GARIN2: variants seen among roughly 807,000 people sequenced by gnomAD.
GARIN2 encodes the protein Golgi-associated RAB2 interactor protein 2.
chr14:67,204,957 A>G, the GARIN2 span: 2 of 1,604,312 alleles, frequency 1.2e-6, no homozygotes, highest in Non-Finnish European at 1.7e-6. Context: ...TCCCGGATGT[A>G]AGAATTGTCA....
At chr14:67,225,621 T>C in the GARIN2 span, among the ~76,000 whole-genome samples, 1,838 of 152,342 alleles carry the variant, frequency 0.012, 19 homozygotes, top group Non-Finnish European at 0.018. Context: ...ACCTCTTTTT[T>C]TTCATAGCAA....
At chr14:67,204,063 T>C in the GARIN2 span, among the ~76,000 whole-genome samples, 3 of 152,154 alleles carry the variant, frequency 2.0e-5, no homozygotes, top group Admixed American at 1.3e-4. Context: ...TAAGATGAGA[T>C]GGTTCTCAGG....
At chr14:67,224,259 C>CTTT in the GARIN2 span, among the ~76,000 whole-genome samples, 1 of 134,800 alleles carries the variant, frequency 7.4e-6, no homozygotes, top group Non-Finnish European at 1.6e-5. Context: ...TCTCTCTTTT[C>CTTT]TTTTTTTTTT....
At chr14:67,196,586 A>G in the GARIN2 span, among the ~76,000 whole-genome samples, 1 of 152,218 alleles carries the variant, frequency 6.6e-6, no homozygotes, top group Non-Finnish European at 1.5e-5. Flanking sequence ...TAAGGAGCAC[A>G]CTTTAAACAG....
At chr14:67,225,348 C>A in the GARIN2 span, 13 of 850,926 alleles carry the variant, frequency 1.5e-5, no homozygotes, top group Admixed American at 3.6e-5. Context: ...TAAGTGGGAT[C>A]TTTTAACATT....
chr14:67,198,878 G>A, the GARIN2 span: 2 of 671,212 alleles, frequency 3.0e-6, no homozygotes, highest in Non-Finnish European at 5.5e-6. Context: ...TGAGTTCAAT[G>A]ATAGGGGTCA....
chr14:67,198,406 T>C, the GARIN2 span: 5 of 1,305,822 alleles, frequency 3.8e-6, no homozygotes, highest in South Asian at 6.9e-5. Flanking sequence ...AGGAGAATTG[T>C]TTTAAATGTG....
At chr14:67,213,218 G>A in the GARIN2 span, among the ~76,000 whole-genome samples, 2 of 149,716 alleles carry the variant, frequency 1.3e-5, no homozygotes, top group Non-Finnish European at 3.0e-5. Context: ...CAATGTGCAG[G>A]TTAGTTACAT....
At chr14:67,190,102 G>T in the GARIN2 span, among the ~76,000 whole-genome samples, 1 of 141,456 alleles carries the variant, frequency 7.1e-6, no homozygotes, top group Non-Finnish European at 1.5e-5. Context: ...TTTTTGTAGA[G>T]ACAGGGTTTC....
the GARIN2 span, among the ~76,000 whole-genome samples, chr14:67,227,200 G>C: frequency 2.0e-5 from 3 of 151,944 alleles, no homozygotes; most frequent in South Asian, 6.2e-4. Context: ...CCAGCACTTT[G>C]GGAGGCTGAG....
chr14:67,199,600 G>A, the GARIN2 span: 1 of 1,590,470 alleles, frequency 6.3e-7, no homozygotes, highest in Non-Finnish European at 8.6e-7. Context: ...CCTTCGAGAA[G>A]GACTCCAAGG....
At chr14:67,227,481 A>T in the GARIN2 span, 1 of 151,878 alleles carries the variant, frequency 6.6e-6, no homozygotes, top group East Asian at 1.9e-4. Flanking sequence ...TTTGCTCCCA[A>T]ATCCTTATAT....
At chr14:67,196,305 C>G in the GARIN2 span, among the ~76,000 whole-genome samples, 4 of 151,884 alleles carry the variant, frequency 2.6e-5, no homozygotes, top group African/African-American at 9.7e-5. Context: ...CAACCTCCAC[C>G]TCTCATGTTC....
chr14:67,215,414 T>A, the GARIN2 span, among the ~76,000 whole-genome samples: 4 of 152,094 alleles, frequency 2.6e-5, no homozygotes, highest in Non-Finnish European at 4.4e-5. Context: ...TTGTTTTTTT[T>A]TTTTATGATA....
At chr14:67,194,183 T>C in the GARIN2 span, among the ~76,000 whole-genome samples, 1 of 151,386 alleles carries the variant, frequency 6.6e-6, no homozygotes, top group Non-Finnish European at 1.5e-5. Context: ...GGCAACATGG[T>C]GAAATCCCGT....
chr14:67,227,910 CTA>C, the GARIN2 span, among the ~76,000 whole-genome samples: 1 of 152,098 alleles, frequency 6.6e-6, no homozygotes, highest in Non-Finnish European at 1.5e-5. Context: ...TGGCTCACGC[CTA>C]TAATCCCAGC....
the GARIN2 span, among the ~76,000 whole-genome samples, chr14:67,214,405 C>A: frequency 2.0e-4 from 31 of 152,194 alleles, no homozygotes; most frequent in African/African-American, 7.0e-4. Flanking sequence ...TTTCCCAGCA[C>A]CGTTTATTAA....
the GARIN2 span, among the ~76,000 whole-genome samples, chr14:67,194,557 G>A: frequency 4.6e-4 from 70 of 152,028 alleles, no homozygotes; most frequent in Admixed American, 2.6e-4. Flanking sequence ...ACAGGCTAGA[G>A]TGCAGTGGCA....
At chr14:67,189,718 C>T in the GARIN2 span, 1 of 152,092 alleles carries the variant, frequency 6.6e-6, no homozygotes, top group African/African-American at 2.4e-5. Context: ...TCTACCTCAA[C>T]CAGAACAAGC....
Sources: allele counts gnomAD v4.1 joint callset (sites outside exome capture counted in the v4.1 genomes callset), GRCh38; gene constraint gnomAD v4.1.1; transcripts MANE v1.5; gene names NCBI Gene and HGNC (gene_info 2026-07-23, HGNC 2026-07-21).